Variants in TANC2 observed in about 807,000 individuals in gnomAD.
TANC2 encodes the protein protein TANC2.
In TANC2, 26 loss-of-function variants were observed where a neutral mutation model predicts 210.5. The observed-to-expected ratio is 0.12, with a 90% confidence interval of 0.09 to 0.17. The LOEUF (loss-of-function observed/expected upper bound fraction) is 0.17. TANC2 is among the 10% of genes least tolerant of loss of function. The pLI, the probability that TANC2 is intolerant of heterozygous loss-of-function variation, is 1.00. For missense variants in TANC2, 2,129 were observed against 2,608.9 expected, an observed-to-expected ratio of 0.82 and a Z score of 4.01; for synonymous variants, 931 against 967.1, an observed-to-expected ratio of 0.96 and a Z score of 0.69.
intron 4 of TANC2, among the ~76,000 whole-genome samples, chr17:63,131,354 T>C (rs984995654): frequency 5.3e-5 from 8 of 152,220 alleles, no homozygotes; most frequent in African/African-American, 1.7e-4. Flanking sequence ...GCTCTGCTGC[T>C]GCAGATGTAA....
In TANC2 at chr17:63,420,118, A is replaced by T; in HGVS notation, c.4388A>T (p.Gln1463Leu). 6.4e-7 allele frequency: 1 copy of T among 1,552,906 alleles called. No homozygotes were observed. The highest frequency in any genetic ancestry group is 8.7e-7 in the Non-Finnish European group (1 of 1,147,656). Residue 1463 changes from glutamine to leucine, a missense_variant, in exon 28 of 28, where the codon CAG becomes CTG. Physicochemically the swap from Gln to Leu is moderately radical, Grantham distance 113. Coordinates refer to ENST00000689528, the Ensembl canonical transcript of TANC2. This position sits in a 1 kb window ranked among gnomAD's most constrained non-coding sequence, Gnocchi z 4.2. ...GAGTGTAGACAGATGCAGCAGCCAC[A>T]GCAGCCACCGCCGCCACCGCAGCCT...
At chr17:63,351,596 G>C (rs17760469) in intron 13 of TANC2, among the ~76,000 whole-genome samples, 180 bp downstream of exon 13, 1 of 151,884 alleles carries the variant, frequency 6.6e-6, no homozygotes, top group Admixed American at 6.6e-5. Flanking sequence ...TTCTTTATAC[G>C]TGACTCTCAG....
At chr17:63,145,849 A>T (rs1323812578) in intron 4 of TANC2, among the ~76,000 whole-genome samples, 4 of 151,678 alleles carry the variant, frequency 2.6e-5, no homozygotes, top group Non-Finnish European at 4.4e-5. Flanking sequence ...CAAGTTTATT[A>T]TTTTTTTCAA....
At chr17:63,021,865 A>T (rs2034362167) in intron 2 of TANC2, among the ~76,000 whole-genome samples, 2 of 152,222 alleles carry the variant, frequency 1.3e-5, no homozygotes, top group Admixed American at 1.3e-4. Context: ...TTGAGATTAC[A>T]TAAGTGGTCA....
chr17:63,345,818 A>G (rs967704051), intron 12 of TANC2, among the ~76,000 whole-genome samples: 1 of 152,190 alleles, frequency 6.6e-6, no homozygotes, highest in African/African-American at 2.4e-5. Context: ...AATGTTTAAC[A>G]TCCAGCTCAG....
At chr17:63,331,660 A>ATTTCT (rs2045846612) in intron 11 of TANC2, among the ~76,000 whole-genome samples, 1 of 152,232 alleles carries the variant, frequency 6.6e-6, no homozygotes, top group Non-Finnish European at 1.5e-5. Flanking sequence ...TTCAAAAAGA[A>ATTTCT]TTAAGAAGAG....
At chr17:63,360,586 A>G (rs374767309) in intron 14 of TANC2, among the ~76,000 whole-genome samples, 2 of 152,214 alleles carry the variant, frequency 1.3e-5, no homozygotes, top group Admixed American at 1.3e-4. Flanking sequence ...TAATAATCAC[A>G]TCAGGGTAAA....
chr17:63,273,752 G>A (rs1351616523), intron 9 of TANC2, among the ~76,000 whole-genome samples: 1 of 152,156 alleles, frequency 6.6e-6, no homozygotes, highest in Non-Finnish European at 1.5e-5. Context: ...TGCAGTAGGC[G>A]AGCTTAGTGG....
In TANC2 at chr17:63,365,785, C is replaced by T. The variant is rs189643844; in HGVS notation, c.2582+10395C>T. Reference sequence around the variant, plus strand: ...ATAGAAAGATCTCTCACTCCTCCTTCAGATCTCAGCTTAAATGCCACCTCC... The same window carrying T: ...ATAGAAAGATCTCTCACTCCTCCTTTAGATCTCAGCTTAAATGCCACCTCC... On this transcript the variant is annotated intron_variant, in intron 14 of 27. Coordinates refer to ENST00000689528, the Ensembl canonical transcript of TANC2. Among the ~76,000 whole-genome samples the T allele has an allele frequency of 2.8e-3, 422 of 152,198 alleles. 1 individual carries two copies. Among genetic ancestry groups the T allele is most frequent in the African/African-American group, 9.8e-3 (408 of 41,520 alleles).
At chr17:63,224,051 G>C (rs1156748695) in intron 7 of TANC2, among the ~76,000 whole-genome samples, 2 of 151,972 alleles carry the variant, frequency 1.3e-5, no homozygotes, top group South Asian at 2.1e-4. Flanking sequence ...AGTGAATTCT[G>C]GTCTGTGAAC....
intron 2 of TANC2, among the ~76,000 whole-genome samples, chr17:63,048,922 A>G (rs1356670466): frequency 6.6e-6 from 1 of 152,184 alleles, no homozygotes; most frequent in African/African-American, 2.4e-5. Flanking sequence ...CTGTGTAGCA[A>G]ACCTCACAGG....
At chr17:63,076,939 T>G (rs1241325427) in intron 3 of TANC2, among the ~76,000 whole-genome samples, 1 of 152,142 alleles carries the variant, frequency 6.6e-6, no homozygotes, top group East Asian at 1.9e-4. Context: ...ATTCAAATAA[T>G]AGTTGTCAAA....
chr17:63,029,472 T>C (rs533039349), intron 2 of TANC2, among the ~76,000 whole-genome samples: 5 of 152,200 alleles, frequency 3.3e-5, no homozygotes, highest in Admixed American at 3.3e-4. Flanking sequence ...GGTCTTATGT[T>C]TTGTGATTTA....
At chr17:63,156,194 G>T (rs1350081891) in intron 5 of TANC2, among the ~76,000 whole-genome samples, 3 of 151,912 alleles carry the variant, frequency 2.0e-5, no homozygotes, top group Non-Finnish European at 4.4e-5. Flanking sequence ...TTGTTATATT[G>T]TGTTTGTATT....
At chr17:63,014,630 A>G (rs767260394) in intron 2 of TANC2, among the ~76,000 whole-genome samples, 6 of 152,198 alleles carry the variant, frequency 3.9e-5, no homozygotes, top group African/African-American at 9.6e-5. Context: ...TTAGTGGTCA[A>G]TTCATACTAG....
At position 63,105,586 on chromosome 17, in the gene TANC2, G is replaced by A. The variant is rs80083794; in HGVS notation, c.322+6229G>A. ...TATGATGGGAAAAAAATACAGAATT[G>A]CTGCAAAGATTAAATAAGATTTCTT... is the stretch of plus-strand genomic sequence containing the variant. On this transcript the variant is annotated intron_variant, in intron 4 of 27. Coordinates refer to ENST00000689528, the Ensembl canonical transcript of TANC2. Among the ~76,000 whole-genome samples, 1,125 of 151,712 alleles carry A rather than the reference G, an allele frequency of 7.4e-3. 45 individuals are homozygous for A. Among genetic ancestry groups the A allele is most frequent in the African/African-American group, 0.026 (1,075 of 41,076 alleles).
chr17:63,183,809 A>C (rs1462875196), intron 5 of TANC2, among the ~76,000 whole-genome samples: 1 of 152,198 alleles, frequency 6.6e-6, no homozygotes, highest in Admixed American at 6.5e-5. Flanking sequence ...CGAGGTCAGG[A>C]GATTGAGACC....
At chr17:63,225,231 T>C (rs2085707033) in intron 7 of TANC2, among the ~76,000 whole-genome samples, 1 of 152,236 alleles carries the variant, frequency 6.6e-6, no homozygotes, top group Admixed American at 6.5e-5. Flanking sequence ...TTACAGTTAA[T>C]GTTTTCTGAC....
At chr17:63,006,774 TATC>T (rs1388491750) in intron 1 of TANC2, among the ~76,000 whole-genome samples, 2 of 152,196 alleles carry the variant, frequency 1.3e-5, no homozygotes, top group African/African-American at 2.4e-5. Flanking sequence ...AGTTCAAACA[TATC>T]ATAGTTTTTT....
Sources: gnomAD v4.1 joint callset for allele counts (sites outside exome capture counted in the v4.1 genomes callset) on GRCh38, gnomAD v4.1.1 for gene constraint, Gnocchi (gnomAD v3.1) non-coding constraint, MANE v1.5 for transcripts, NCBI Gene and HGNC (gene_info 2026-07-23, HGNC 2026-07-21) for gene names.